CERS3: variants seen among roughly 807,000 people sequenced by gnomAD.
CERS3 encodes ceramide synthase 3.
A neutral mutation model predicts 50.3 loss-of-function variants in CERS3; 33 were observed. The ratio of observed to expected loss-of-function variants is 0.66; its 90% confidence interval spans 0.50 to 0.88. The LOEUF is 0.88. Among genes scored for constraint, CERS3 ranks in the 40% least tolerant of loss-of-function variants. The probability of loss-of-function intolerance (pLI) is 0.00; values close to 1 mark genes in which losing one functional copy is unlikely to be tolerated. For synonymous variants in CERS3, 176 were observed against 155.2 expected, an observed-to-expected ratio of 1.13 and a Z score of -0.99; for missense variants, 470 against 460.3, an observed-to-expected ratio of 1.02 and a Z score of -0.19.
At chr15:100,475,980 G>T (rs1036404244) in intron 8 of CERS3, 106 bp downstream of exon 8, 1 of 635,678 alleles carries the variant, frequency 1.6e-6, no homozygotes, top group Non-Finnish European at 2.6e-6. Flanking sequence ...GCAATGAACT[G>T]GACCCAAAAA....
At chr15:100,511,501 T>G (rs1292577549) in intron 2 of CERS3, among the ~76,000 whole-genome samples, 1 of 151,932 alleles carries the variant, frequency 6.6e-6, no homozygotes, top group Non-Finnish European at 1.5e-5. Context: ...AGGAGCATCA[T>G]AAGTCCATTG....
At chr15:100,439,513 C>T (rs1317533502) in intron 11 of CERS3, among the ~76,000 whole-genome samples, 1 of 152,206 alleles carries the variant, frequency 6.6e-6, no homozygotes, top group Non-Finnish European at 1.5e-5. Context: ...TTTGGAGGCA[C>T]ATGAACATCT....
At chr15:100,486,977 C>CA in intron 4 of CERS3, among the ~76,000 whole-genome samples, 1 of 151,372 alleles carries the variant, frequency 6.6e-6, no homozygotes. Flanking sequence ...TGAGTCGAAG[C>CA]TTTTTTTTTC....
intron 11 of CERS3, among the ~76,000 whole-genome samples, chr15:100,451,998 A>T (rs2034190243): frequency 6.6e-6 from 1 of 152,230 alleles, no homozygotes. Context: ...ATTACTAAAG[A>T]GAGAGATGAA....
intron 2 of CERS3, among the ~76,000 whole-genome samples, chr15:100,513,458 C>T (rs544644046): frequency 6.6e-6 from 1 of 152,228 alleles, no homozygotes; most frequent in African/African-American, 2.4e-5. Flanking sequence ...TGCCCCTCTT[C>T]CCCTCAGTCT....
chr15:100,415,571 GA>G (rs1164262999), intron 11 of CERS3, among the ~76,000 whole-genome samples: 1 of 152,152 alleles, frequency 6.6e-6, no homozygotes, highest in Non-Finnish European at 1.5e-5. Flanking sequence ...ATTAGATAAA[GA>G]AAATGTAGTA....
chr15:100,543,535 T>TTC (rs1491126019), intron 1 of CERS3, among the ~76,000 whole-genome samples: 2 of 35,854 alleles, frequency 5.6e-5, no homozygotes, highest in Admixed American at 7.3e-4. Flanking sequence ...CTTTCTTTCT[T>TTC]TTTTTTTTTT....
At position 100,402,644 on chromosome 15, in the gene CERS3, G is replaced by A; in HGVS notation, c.*69C>T. The A allele has an allele frequency of 1.3e-6, 2 of 1,509,656 alleles. No individual in the cohort carries two copies. The highest frequency in any genetic ancestry group is 2.3e-5 in the East Asian group (1 of 43,662). 93.5% of individuals were successfully genotyped at this position (1,509,656 alleles called of 1,614,324 possible). On this transcript the variant is annotated 3_prime_UTR_variant, in exon 12 of 12. Transcript: ENST00000679737. ...AAGGGCAGAATGTGGGGTCGGTGTGGGGCCTGGAAGCCAGGCTGCCAACAG... is the reference window on the plus strand; with the variant it reads ...AAGGGCAGAATGTGGGGTCGGTGTGAGGCCTGGAAGCCAGGCTGCCAACAG...
chr15:100,444,222 C>T (rs182906699), intron 11 of CERS3, among the ~76,000 whole-genome samples: 11 of 152,122 alleles, frequency 7.2e-5, no homozygotes, highest in Admixed American at 4.6e-4. Context: ...CTCTCTACAG[C>T]TCTCATAACT....
At chr15:100,530,345 C>A (rs1232084130), upstream of CERS3, among the ~76,000 whole-genome samples, 1 of 152,234 alleles carries the variant, frequency 6.6e-6, no homozygotes, top group Non-Finnish European at 1.5e-5. Context: ...CTCCTTGGCA[C>A]AATGGCCTGC....
At chr15:100,418,928 G>A (rs1013771860) in intron 11 of CERS3, among the ~76,000 whole-genome samples, 27 of 151,698 alleles carry the variant, frequency 1.8e-4, no homozygotes, top group Non-Finnish European at 3.8e-4. Flanking sequence ...GCTCCTGAAG[G>A]AAGCACTAAA....
At chr15:100,495,625 C>T (rs1278488927) in intron 3 of CERS3, among the ~76,000 whole-genome samples, 2 of 151,964 alleles carry the variant, frequency 1.3e-5, no homozygotes, top group African/African-American at 4.8e-5. Flanking sequence ...TTTTTAAAAC[C>T]AAGTTATTTC....
intron 3 of CERS3, among the ~76,000 whole-genome samples, chr15:100,497,890 CACACACTT>C (rs749861180): frequency 0.053 from 1,982 of 37,204 alleles, 12 homozygotes; most frequent in East Asian, 0.076. Flanking sequence ...CACACACACA[CACACACTT>C]TTTTTTTTTT....
intron 11 of CERS3, among the ~76,000 whole-genome samples, chr15:100,412,595 T>A (rs2031574688): frequency 6.6e-6 from 1 of 152,188 alleles, no homozygotes; most frequent in African/African-American, 2.4e-5. Context: ...TAAGATCAGT[T>A]TAGCCATGGT....
In CERS3 at chr15:100,501,820, C is replaced by A. The variant is rs916014354; in HGVS notation, c.30G>T (p.Trp10Cys). The change falls in exon 3 of 12, where the codon TGG (tryptophan) becomes TGT (cysteine). Residue 10 changes from tryptophan to cysteine, a missense_variant. By Grantham distance (215) the Trp-to-Cys change is radical. Transcript: ENST00000679737. The part of the protein sequence containing the change: MFWTFKEWF[W>C]LERFWLPPTI... The stretch of plus-strand genomic sequence containing the variant: ...TTGGAGGAAGCCAGAATCTTTCCAA[C>A]CAGAACCATTCTTTAAACGTCCAAA... 1 of 1,614,122 alleles carries A rather than the reference C, an allele frequency of 6.2e-7. No homozygotes were observed. The highest frequency in any genetic ancestry group is 8.5e-7 in the Non-Finnish European group (1 of 1,179,986).
At chr15:100,477,253 G>C (rs1473006951) in intron 7 of CERS3, among the ~76,000 whole-genome samples, 1 of 152,184 alleles carries the variant, frequency 6.6e-6, no homozygotes, top group Non-Finnish European at 1.5e-5. Context: ...AAGATGATAG[G>C]CCTGGGGTTT....
At chr15:100,501,948 T>C in intron 2 of CERS3, 98 bp from the exon 3 acceptor site, 1 of 1,325,174 alleles carries the variant, frequency 7.5e-7, no homozygotes, top group Non-Finnish European at 1.0e-6. Context: ...CCAGAGAGCT[T>C]AGAAAATAAG....
chr15:100,492,627 A>T (rs2035687788), intron 3 of CERS3, among the ~76,000 whole-genome samples: 1 of 152,194 alleles, frequency 6.6e-6, no homozygotes, highest in Admixed American at 6.5e-5. Context: ...TGGACAACAT[A>T]TAGTTGGATC....
chr15:100,539,165 ATT>A (rs1433836520), intron 1 of CERS3, among the ~76,000 whole-genome samples: 1 of 152,172 alleles, frequency 6.6e-6, no homozygotes. Context: ...CCTGGACTTT[ATT>A]GTCCACATCA....
Sources: allele counts gnomAD v4.1 joint callset (sites outside exome capture counted in the v4.1 genomes callset), GRCh38; gene constraint gnomAD v4.1.1; transcripts MANE v1.5; gene names NCBI Gene and HGNC (gene_info 2026-07-23, HGNC 2026-07-21).